MAST2: variants seen among roughly 807,000 people sequenced by gnomAD.
MAST2 encodes the protein microtubule-associated serine/threonine-protein kinase 2.
In MAST2, 70 loss-of-function variants were observed where a neutral mutation model predicts 147.4. The observed-to-expected ratio is 0.47, with a 90% CI of 0.39 to 0.58. MAST2 has a LOEUF of 0.58. Ranked by LOEUF, MAST2 falls within the 20% of genes least tolerant of loss-of-function variation. The probability of loss-of-function intolerance (pLI) is 0.00; values close to 1 mark genes in which losing one functional copy is unlikely to be tolerated. For synonymous variants in MAST2, 869 were observed against 896.8 expected (o/e 0.97, Z 0.55); for missense variants, 2,080 against 2,302.3 (o/e 0.90, Z 1.98).
intron 5 of MAST2, among the ~76,000 whole-genome samples, chr1:45,994,684 G>A (rs1264188415): frequency 1.3e-5 from 2 of 152,054 alleles, no homozygotes; most frequent in Non-Finnish European, 2.9e-5. Flanking sequence ...ATCAGGCCCT[G>A]TCATAAATAA....
intron 3 of MAST2, 77 bp from the exon 4 acceptor site, chr1:45,882,287 T>C: frequency 1.1e-6 from 1 of 892,308 alleles, no homozygotes; most frequent in African/African-American, 1.7e-5. Context: ...ATGCTGTGAA[T>C]TTCCTAGGAC....
At chr1:45,805,448 C>CT (rs11369189) in intron 1 of MAST2, among the ~76,000 whole-genome samples, 51,611 of 151,960 alleles carry the variant, frequency 0.34, 9,165 homozygotes, top group African/African-American at 0.44. Context: ...ATCTCTGCCC[C>CT]GCTTCTAGCT....
intron 3 of MAST2, among the ~76,000 whole-genome samples, chr1:45,854,191 G>A (rs1209813553): frequency 2.6e-5 from 4 of 152,036 alleles, no homozygotes; most frequent in Non-Finnish European, 4.4e-5. Context: ...ATAACAATTA[G>A]CCAGGAGTGA....
chr1:46,001,736 G>A (rs1645281757), intron 6 of MAST2, among the ~76,000 whole-genome samples: 1 of 152,168 alleles, frequency 6.6e-6, no homozygotes, highest in African/African-American at 2.4e-5. Context: ...GGTGAGGGTG[G>A]GGAGGAGTGC....
chr1:45,860,138 A>G (rs1028981024), intron 3 of MAST2, among the ~76,000 whole-genome samples: 1 of 151,928 alleles, frequency 6.6e-6, no homozygotes. Flanking sequence ...TGGGCAGATT[A>G]CTTGAGGCCA....
intron 1 of MAST2, among the ~76,000 whole-genome samples, chr1:45,807,559 T>G (rs80137936): frequency 6.6e-6 from 1 of 151,946 alleles, no homozygotes; most frequent in Non-Finnish European, 1.5e-5. Context: ...TTTTTTTTTT[T>G]GAGACAGGGT....
intron 3 of MAST2, among the ~76,000 whole-genome samples, chr1:45,846,468 C>A (rs1645438716): frequency 6.6e-6 from 1 of 152,112 alleles, no homozygotes; most frequent in Non-Finnish European, 1.5e-5. Context: ...ACAACTTTTG[C>A]AGATCACGTC....
intron 4 of MAST2, among the ~76,000 whole-genome samples, chr1:45,941,716 A>G (rs1657318991): frequency 1.3e-5 from 2 of 152,040 alleles, no homozygotes; most frequent in South Asian, 2.1e-4. Context: ...TGCACTGGCT[A>G]GAACCTCTAG....
intron 5 of MAST2, among the ~76,000 whole-genome samples, 167 bp downstream of exon 5, chr1:45,959,644 G>A (rs1660126039): frequency 6.6e-6 from 1 of 152,212 alleles, no homozygotes; most frequent in Non-Finnish European, 1.5e-5. Context: ...GAATGAGTTA[G>A]CCTGCTTTTG....
chr1:46,008,560 C>T (rs1364968441), intron 9 of MAST2, among the ~76,000 whole-genome samples, 189 bp downstream of exon 9: 2 of 152,354 alleles, frequency 1.3e-5, no homozygotes, highest in East Asian at 1.9e-4. Context: ...GAGAAGGAGA[C>T]AGCAGGAAGC....
At chr1:45,878,165 C>T (rs947358535) in intron 3 of MAST2, among the ~76,000 whole-genome samples, 17 of 146,744 alleles carry the variant, frequency 1.2e-4, no homozygotes, top group African/African-American at 2.8e-4. Flanking sequence ...GATCACGCCA[C>T]TGCATTCCAG....
intron 4 of MAST2, among the ~76,000 whole-genome samples, chr1:45,920,190 A>G (rs1653232969): frequency 6.6e-6 from 1 of 152,174 alleles, no homozygotes; most frequent in Admixed American, 6.5e-5. Context: ...GTACCTGCTC[A>G]TGTTCTTGGA....
chr1:45,825,991 C>T (rs1356775704), intron 2 of MAST2, among the ~76,000 whole-genome samples: 1 of 151,880 alleles, frequency 6.6e-6, no homozygotes, highest in Non-Finnish European at 1.5e-5. Context: ...GCACAAGAAT[C>T]GCTTGAACCT....
chr1:45,813,393 G>A (rs1644360755), intron 1 of MAST2, among the ~76,000 whole-genome samples: 1 of 151,438 alleles, frequency 6.6e-6, no homozygotes, highest in Non-Finnish European at 1.5e-5. Context: ...GCAGTGGTGC[G>A]ATCTCAGCTC....
At chr1:45,956,367 G>C (rs903788035) in intron 4 of MAST2, among the ~76,000 whole-genome samples, 2 of 152,136 alleles carry the variant, frequency 1.3e-5, no homozygotes, top group Admixed American at 1.3e-4. Context: ...CCCTTACTGT[G>C]GGTGGTACAA....
intron 3 of MAST2, among the ~76,000 whole-genome samples, chr1:45,848,759 C>G (rs181924269): frequency 6.6e-5 from 10 of 152,174 alleles, no homozygotes; most frequent in Admixed American, 2.6e-4. Context: ...AAGAAATAAA[C>G]GGCATTCAAG....
At chr1:45,880,646 T>C (rs1646803060) in intron 3 of MAST2, among the ~76,000 whole-genome samples, 2 of 152,242 alleles carry the variant, frequency 1.3e-5, no homozygotes, top group South Asian at 4.1e-4. Context: ...TTTTATAAAA[T>C]AAGCGAATTT....
intron 3 of MAST2, among the ~76,000 whole-genome samples, chr1:45,872,561 A>G (rs915613733): frequency 6.6e-6 from 1 of 150,582 alleles, no homozygotes. Flanking sequence ...GCTCACCGCA[A>G]CCTCCACTTG....
chr1:45,886,069 G>A (rs1468443427), intron 4 of MAST2, among the ~76,000 whole-genome samples: 1 of 151,936 alleles, frequency 6.6e-6, no homozygotes, highest in Non-Finnish European at 1.5e-5. Context: ...TTTGAGAACA[G>A]CCTGGGCAAC....
Sources: gnomAD v4.1 joint callset for allele counts (sites outside exome capture counted in the v4.1 genomes callset) on GRCh38, gnomAD v4.1.1 for gene constraint, MANE v1.5 for transcripts, NCBI Gene and HGNC (gene_info 2026-07-23, HGNC 2026-07-21) for gene names.